Variants in PPP1R14C observed in about 807,000 individuals in gnomAD.
PPP1R14C encodes the protein protein phosphatase 1 regulatory subunit 14C.
In PPP1R14C, 16 loss-of-function variants were observed where a neutral mutation model predicts 20.4. The observed-to-expected ratio is 0.78, with a 90% CI of 0.53 to 1.19. The LOEUF (loss-of-function observed/expected upper bound fraction) is 1.19. Among genes scored for constraint, PPP1R14C ranks in the 50% most tolerant of loss-of-function variants. The probability of loss-of-function intolerance (pLI) is 0.00; values close to 1 mark genes in which losing one functional copy is unlikely to be tolerated. For synonymous variants in PPP1R14C, 91 were observed against 91.0 expected (o/e 1.00, Z 0.00); for missense variants, 211 against 220.1 (o/e 0.96, Z 0.26).
intron 3 of PPP1R14C, among the ~76,000 whole-genome samples, chr6:150,228,704 CT>C (rs926169211): frequency 6.6e-6 from 1 of 151,822 alleles, no homozygotes; most frequent in African/African-American, 2.4e-5. Flanking sequence ...TACGAAGATG[CT>C]TTTTTTTCAG....
chr6:150,235,265 T>G (rs1778347062), intron 3 of PPP1R14C, among the ~76,000 whole-genome samples: 1 of 152,176 alleles, frequency 6.6e-6, no homozygotes. Flanking sequence ...ATGTTTTAAA[T>G]TTTTTGTAGA....
Position 150,199,067 on chromosome 6 carries a change from G to T in PPP1R14C, c.307-15677G>T, listed in dbSNP as rs900353665. 3.3e-5 allele frequency among the ~76,000 whole-genome samples: 5 copies of T among 151,828 alleles called. No homozygotes were observed. In the East Asian group the frequency reaches 9.7e-4, roughly 29 times the overall value. On this transcript the variant is annotated intron_variant, in intron 1 of 3. Coordinates refer to ENST00000361131, the MANE Select transcript of PPP1R14C (RefSeq NM_030949.3). ...CCTTTACTTAAACTCAACACCTTTG[G>T]AAGCACTGGCTCTCAGAGGCTAATG...
chr6:150,155,933 G>A (rs1777300232), intron 1 of PPP1R14C, among the ~76,000 whole-genome samples: 2 of 138,620 alleles, frequency 1.4e-5, no homozygotes, highest in African/African-American at 5.3e-5. Flanking sequence ...GCTGAGGCAA[G>A]AGAATCGCTT....
At chr6:150,200,853 A>G (rs1318274881) in intron 1 of PPP1R14C, among the ~76,000 whole-genome samples, 1 of 152,040 alleles carries the variant, frequency 6.6e-6, no homozygotes, top group Non-Finnish European at 1.5e-5. Context: ...GTCATCCTCT[A>G]AGTTTCCATG....
At chr6:150,170,443 C>A (rs1430965433) in intron 1 of PPP1R14C, among the ~76,000 whole-genome samples, 3 of 151,934 alleles carry the variant, frequency 2.0e-5, no homozygotes, top group Non-Finnish European at 4.4e-5. Flanking sequence ...CTGCCTCAGG[C>A]TCCTGAGTAG....
intron 1 of PPP1R14C, among the ~76,000 whole-genome samples, chr6:150,188,656 T>G (rs2114885411): frequency 6.7e-6 from 1 of 149,760 alleles, no homozygotes; most frequent in Admixed American, 6.7e-5. Context: ...CCGGCTAATT[T>G]TTTGTGTTTT....
intron 1 of PPP1R14C, among the ~76,000 whole-genome samples, chr6:150,170,473 C>G (rs1365319095): frequency 6.6e-6 from 1 of 152,236 alleles, no homozygotes; most frequent in East Asian, 1.9e-4. Context: ...AGGCGACTGC[C>G]ACCATGCCTG....
At chr6:150,245,341 A>G (rs897753018) in intron 3 of PPP1R14C, among the ~76,000 whole-genome samples, 1 of 152,208 alleles carries the variant, frequency 6.6e-6, no homozygotes, top group Non-Finnish European at 1.5e-5. Context: ...AATCTTCCAA[A>G]GCCATAAATC....
intron 3 of PPP1R14C, among the ~76,000 whole-genome samples, chr6:150,234,555 A>G (rs1778333682): frequency 1.3e-5 from 2 of 152,198 alleles, no homozygotes; most frequent in South Asian, 4.1e-4. Context: ...TCAGCAATAT[A>G]AAGGATCAAG....
chr6:150,174,949 G>A (rs1454843298), intron 1 of PPP1R14C, among the ~76,000 whole-genome samples: 7 of 146,166 alleles, frequency 4.8e-5, no homozygotes, highest in Non-Finnish European at 1.5e-5. Context: ...CTGGGCGACC[G>A]AGGGAGATTC....
intron 1 of PPP1R14C, among the ~76,000 whole-genome samples, chr6:150,184,139 A>C (rs1011172851): frequency 1.3e-4 from 20 of 152,222 alleles, no homozygotes; most frequent in Admixed American, 1.1e-3. Context: ...ACTAATTTGC[A>C]GGTGTAGTCA....
intron 1 of PPP1R14C, among the ~76,000 whole-genome samples, chr6:150,200,520 A>C (rs1232784783): frequency 6.6e-6 from 1 of 151,796 alleles, no homozygotes; most frequent in Admixed American, 6.6e-5. Flanking sequence ...CTCCTTTTCC[A>C]CTGCTGAGCA....
At chr6:150,196,703 G>A (rs561969949) in intron 1 of PPP1R14C, among the ~76,000 whole-genome samples, 1 of 152,240 alleles carries the variant, frequency 6.6e-6, no homozygotes, top group East Asian at 1.9e-4. Flanking sequence ...TTAAAGCATG[G>A]CCTCTCCTTC....
At chr6:150,198,296 G>C (rs1366673821) in intron 1 of PPP1R14C, among the ~76,000 whole-genome samples, 2 of 114,922 alleles carry the variant, frequency 1.7e-5, no homozygotes, top group South Asian at 3.0e-4. Flanking sequence ...TGTGCCCCTG[G>C]CCGCCATGGT....
At chr6:150,232,827 C>T (rs1312722500) in intron 3 of PPP1R14C, among the ~76,000 whole-genome samples, 1 of 152,204 alleles carries the variant, frequency 6.6e-6, no homozygotes, top group Non-Finnish European at 1.5e-5. Flanking sequence ...TCTACAATTC[C>T]TTATTCAAAG....
In PPP1R14C at chr6:150,221,643, A is replaced by T. The variant is rs141354458; in HGVS notation, c.423+4787A>T. Among the ~76,000 whole-genome samples, 179 of 152,258 alleles carry T rather than the reference A, an allele frequency of 1.2e-3. 1 individual carries two copies. The highest frequency in any genetic ancestry group is 4.1e-3 in the African/African-American group (170 of 41,552). On this transcript the variant is annotated intron_variant, in intron 3 of 3. Transcript: ENST00000361131. The stretch of plus-strand genomic sequence containing the variant: ...GAAAGAATACTGGAATTTGAGTCAA[A>T]AGTCTTATGCCAATGCTAGCACTAA...
At chr6:150,151,758 C>T (rs182664415) in intron 1 of PPP1R14C, among the ~76,000 whole-genome samples, 27 of 152,270 alleles carry the variant, frequency 1.8e-4, no homozygotes, top group African/African-American at 5.8e-4. Context: ...TGTCCTTGTC[C>T]AAGTTCACAC....
intron 3 of PPP1R14C, among the ~76,000 whole-genome samples, chr6:150,229,269 T>C (rs1192440481): frequency 1.3e-5 from 2 of 152,220 alleles, no homozygotes; most frequent in Non-Finnish European, 2.9e-5. Context: ...TCATTGACAA[T>C]GAATGAGAAT....
chr6:150,235,258 T>A (rs555640855), intron 3 of PPP1R14C, among the ~76,000 whole-genome samples: 5 of 152,292 alleles, frequency 3.3e-5, no homozygotes, highest in African/African-American at 1.2e-4. Context: ...CCAGCCAATG[T>A]TTTAAATTTT....
Sources: allele counts gnomAD v4.1 joint callset (sites outside exome capture counted in the v4.1 genomes callset), GRCh38; gene constraint gnomAD v4.1.1; transcripts MANE v1.5; gene names NCBI Gene and HGNC (gene_info 2026-07-23, HGNC 2026-07-21).